Variants in CBFB observed in about 807,000 individuals in gnomAD.
CBFB encodes the protein CBF-beta.
In CBFB, 9 loss-of-function variants were observed where a neutral mutation model predicts 30.4. The ratio of observed to expected loss-of-function variants is 0.30; its 90% CI spans 0.18 to 0.52. The LOEUF (loss-of-function observed/expected upper bound fraction) is 0.52, where lower values mean the gene tolerates loss of function less well. Among genes scored for constraint, CBFB ranks in the 20% least tolerant of loss-of-function variants. The pLI, the probability that CBFB is intolerant of heterozygous loss-of-function variation, is 0.97. For missense variants in CBFB, 170 were observed against 244.0 expected (o/e 0.70, Z 2.02); for synonymous variants, 94 against 84.0 (o/e 1.12, Z -0.65).
intron 3 of CBFB, among the ~76,000 whole-genome samples, chr16:67,052,075 C>G (rs949131567): frequency 3.3e-5 from 5 of 151,570 alleles, no homozygotes; most frequent in Non-Finnish European, 7.4e-5. Flanking sequence ...TCAAGCCCTC[C>G]TCCCATGTTG....
intron 5 of CBFB, among the ~76,000 whole-genome samples, chr16:67,091,235 G>T (rs1961872202): frequency 6.6e-6 from 1 of 152,176 alleles, no homozygotes; most frequent in African/African-American, 2.4e-5. Flanking sequence ...ACTTTATTAA[G>T]ATTTATTTTT....
At chr16:67,077,044 A>C (rs1961420788) in intron 4 of CBFB, among the ~76,000 whole-genome samples, 1 of 152,190 alleles carries the variant, frequency 6.6e-6, no homozygotes, top group South Asian at 2.1e-4. Context: ...ATGCAGTTAT[A>C]AATTATATGT....
intron 3 of CBFB, among the ~76,000 whole-genome samples, chr16:67,037,047 C>T (rs907770002): frequency 1.3e-4 from 20 of 151,994 alleles, no homozygotes; most frequent in Admixed American, 8.5e-4. Context: ...TACAGGTACC[C>T]GCCACCACAT....
chr16:67,060,669 C>T (rs1027273892), intron 3 of CBFB, among the ~76,000 whole-genome samples: 10 of 152,294 alleles, frequency 6.6e-5, no homozygotes, highest in South Asian at 2.1e-4. Flanking sequence ...GATTCTCCTG[C>T]CTCAGCCTCC....
chr16:67,088,010 C>T (rs1199265379), intron 5 of CBFB, among the ~76,000 whole-genome samples: 1 of 152,170 alleles, frequency 6.6e-6, no homozygotes, highest in Non-Finnish European at 1.5e-5. Flanking sequence ...TATCAAGGCA[C>T]TTTCCCTACA....
intron 4 of CBFB, among the ~76,000 whole-genome samples, chr16:67,073,712 A>G (rs890028096): frequency 6.6e-6 from 1 of 151,972 alleles, no homozygotes; most frequent in African/African-American, 2.4e-5. Flanking sequence ...ATTGCACTCC[A>G]GCCTGGGCAG....
intron 3 of CBFB, among the ~76,000 whole-genome samples, chr16:67,050,297 A>AAT (rs1491528986): frequency 1.3e-5 from 2 of 148,180 alleles, no homozygotes; most frequent in African/African-American, 4.9e-5. Flanking sequence ...ATTATATGTC[A>AAT]ATATATATAG....
intron 5 of CBFB, among the ~76,000 whole-genome samples, chr16:67,087,847 A>G (rs1308106214): frequency 1.3e-5 from 2 of 152,210 alleles, no homozygotes; most frequent in African/African-American, 4.8e-5. Context: ...AAATGCTTGT[A>G]AAGCACTTAG....
At chr16:67,039,545 T>G (rs1018928426) in intron 3 of CBFB, among the ~76,000 whole-genome samples, 18 of 152,216 alleles carry the variant, frequency 1.2e-4, no homozygotes, top group Admixed American at 2.0e-4. Context: ...TTTTTCAGAT[T>G]CATTATAATC....
intron 3 of CBFB, among the ~76,000 whole-genome samples, chr16:67,042,115 G>A (rs1234391766): frequency 6.6e-6 from 1 of 151,794 alleles, no homozygotes; most frequent in Non-Finnish European, 1.5e-5. Context: ...GTGGAGATGG[G>A]GTTCTGTTAT....
intron 2 of CBFB, 102 bp from the exon 3 acceptor site, chr16:67,036,537 C>G: frequency 1.4e-6 from 1 of 703,974 alleles, no homozygotes; most frequent in Non-Finnish European, 2.6e-6. Flanking sequence ...ATTCTCTGTG[C>G]TGCCTGGCTT....
At chr16:67,076,445 C>A (rs915555733) in intron 4 of CBFB, among the ~76,000 whole-genome samples, 1 of 152,052 alleles carries the variant, frequency 6.6e-6, no homozygotes, top group Non-Finnish European at 1.5e-5. Context: ...TGTAAAAGTA[C>A]AAAATCAGGT....
intron 5 of CBFB, among the ~76,000 whole-genome samples, chr16:67,083,053 C>T (rs921946710): frequency 6.6e-6 from 1 of 152,128 alleles, no homozygotes; most frequent in Non-Finnish European, 1.5e-5. Flanking sequence ...GTGGCACATG[C>T]CTGTAGCTTT....
intron 4 of CBFB, among the ~76,000 whole-genome samples, chr16:67,072,973 A>G (rs979821242): frequency 6.6e-6 from 1 of 152,098 alleles, no homozygotes; most frequent in African/African-American, 2.4e-5. Flanking sequence ...ACAGCCTCCC[A>G]AAGCACTAGG....
At chr16:67,082,700 A>G (rs190834702) in intron 5 of CBFB, among the ~76,000 whole-genome samples, 4 of 152,160 alleles carry the variant, frequency 2.6e-5, no homozygotes, top group Admixed American at 1.3e-4. Flanking sequence ...CCATTTTTCT[A>G]TGAATATTTG....
intron 3 of CBFB, among the ~76,000 whole-genome samples, chr16:67,059,548 C>A (rs1960830715): frequency 6.6e-6 from 1 of 152,212 alleles, no homozygotes; most frequent in Non-Finnish European, 1.5e-5. Context: ...TGAAACATAT[C>A]TGTAAGCCCA....
chr16:67,032,539 T>C (rs1222411117), intron 2 of CBFB, among the ~76,000 whole-genome samples: 1 of 152,226 alleles, frequency 6.6e-6, no homozygotes, highest in African/African-American at 2.4e-5. Context: ...TTTAATTCAG[T>C]GTTAACCCAC....
At chr16:67,031,610 A>C (rs865845986) in intron 2 of CBFB, among the ~76,000 whole-genome samples, 5 of 152,196 alleles carry the variant, frequency 3.3e-5, no homozygotes, top group African/African-American at 1.2e-4. Flanking sequence ...TCCTGGGTTA[A>C]AGCGATTCTC....
In CBFB at chr16:67,029,787, G is replaced by T. The variant is rs1298487641; in HGVS notation, c.139G>T (p.Ala47Ser). Reference protein sequence around the residue: ...HEERQARFQNACRDGRSEIAF... With the variant: ...HEERQARFQNSCRDGRSEIAF... ...GGAACGCCAGGCACGCTTCCAGAACGCCTGCCGCGACGGCCGCTCGGAAAT... is the reference window on the plus strand; with the variant it reads ...GGAACGCCAGGCACGCTTCCAGAACTCCTGCCGCGACGGCCGCTCGGAAAT... The change falls in exon 2 of 6, where the codon GCC (alanine) becomes TCC (serine). Residue 47 changes from alanine (A) to serine (S), a missense_variant. Physicochemically the swap from Ala to Ser is moderately conservative, Grantham distance 99. Coordinates refer to ENST00000412916, the MANE Select transcript of CBFB (RefSeq NM_022845.3). 2.5e-6 allele frequency: 4 copies of T among 1,590,128 alleles called. No individual in the cohort carries two copies. The highest frequency in any genetic ancestry group is 3.4e-6 in the Non-Finnish European group (4 of 1,170,618).
Sources: allele counts gnomAD v4.1 joint callset (sites outside exome capture counted in the v4.1 genomes callset), GRCh38; gene constraint gnomAD v4.1.1; transcripts MANE v1.5; gene names NCBI Gene and HGNC (gene_info 2026-07-23, HGNC 2026-07-21).